PDE1A: variants seen among roughly 807,000 people sequenced by gnomAD.
The protein encoded by PDE1A is dual specificity calcium/calmodulin-dependent 3',5'-cyclic nucleotide phosphodiesterase 1A.
In PDE1A, 35 loss-of-function variants were observed where a neutral mutation model predicts 61.7. The ratio of observed to expected loss-of-function variants is 0.57; its 90% CI spans 0.43 to 0.75. The LOEUF (loss-of-function observed/expected upper bound fraction) is 0.75, where lower values mean the gene tolerates loss of function less well. PDE1A is among the 30% of genes least tolerant of loss of function. PDE1A has a pLI of 0.00. For missense variants in PDE1A, 597 were observed against 630.6 expected, an observed-to-expected ratio of 0.95 and a Z score of 0.57; for synonymous variants, 232 against 213.2, an observed-to-expected ratio of 1.09 and a Z score of -0.77.
At chr2:182,292,021 A>G (rs1480009248) in intron 1 of PDE1A, among the ~76,000 whole-genome samples, 2 of 152,122 alleles carry the variant, frequency 1.3e-5, no homozygotes, top group East Asian at 3.9e-4. Context: ...TCTTGGTTTT[A>G]AAAAAGAAGA....
At chr2:182,285,283 T>C (rs1291309802) in intron 1 of PDE1A, among the ~76,000 whole-genome samples, 1 of 152,160 alleles carries the variant, frequency 6.6e-6, no homozygotes, top group Non-Finnish European at 1.5e-5. Context: ...TTGTTTTCTC[T>C]GGCATCATCT....
chr2:182,157,017 T>A (rs35085933), intron 13 of PDE1A, among the ~76,000 whole-genome samples: 60,095 of 145,088 alleles, frequency 0.41, 12,831 homozygotes, highest in East Asian at 0.62. Flanking sequence ...TTATTTTATT[T>A]TATTTTTTTT....
At chr2:182,209,634 G>A (rs1216435177) in intron 7 of PDE1A, among the ~76,000 whole-genome samples, 1 of 151,732 alleles carries the variant, frequency 6.6e-6, no homozygotes, top group Non-Finnish European at 1.5e-5. Flanking sequence ...TGAGTATCCC[G>A]CTTGCTGTTC....
Position 182,264,878 on chromosome 2 carries a change from C to CATATATATATATATATATATAT in PDE1A, c.54-465_54-464insATATATATATATATATATATAT, listed in dbSNP as rs148358464. Among the ~76,000 whole-genome samples, 684 of 106,778 alleles carry CATATATATATATATATATATAT rather than the reference C, an allele frequency of 6.4e-3. 57 individuals are homozygous for CATATATATATATATATATATAT. Among genetic ancestry groups the CATATATATATATATATATATAT allele is most frequent in the East Asian group, 0.019 (67 of 3,516 alleles). 70.1% of individuals were successfully genotyped at this position (106,778 alleles called of 152,430 possible). A position where few individuals can be genotyped will look rare whatever the true frequency, so the allele number is the denominator to read the frequency against. Reference sequence around the variant, plus strand: ...ATAAAGAAAATGTGGTATATATATACATATATATATATATGTATATATATA... The same window carrying CATATATATATATATATATATAT: ...ATAAAGAAAATGTGGTATATATATACATATATATATATATATATATATATATATATATATATGTATATATATA... On this transcript the variant is annotated intron_variant, in intron 1 of 13. Coordinates refer to ENST00000351439, the Ensembl canonical transcript of PDE1A.
the PDE1A span, among the ~76,000 whole-genome samples, chr2:182,672,267 T>C: frequency 2.8e-4 from 43 of 152,352 alleles, no homozygotes; most frequent in Non-Finnish European, 5.1e-4. Flanking sequence ...AATTTGTTAA[T>C]GTTTTTATAT....
At chr2:182,327,183 T>G (rs144868494) in intron 1 of PDE1A, among the ~76,000 whole-genome samples, 1 of 152,152 alleles carries the variant, frequency 6.6e-6, no homozygotes, top group Non-Finnish European at 1.5e-5. Flanking sequence ...TGAGTAAATA[T>G]GTAATGTTAG....
chr2:182,559,179 GA>G, the PDE1A span, among the ~76,000 whole-genome samples: 1 of 152,050 alleles, frequency 6.6e-6, no homozygotes, highest in Non-Finnish European at 1.5e-5. Context: ...CTGAATAAGT[GA>G]AAAGGTAAGA....
At chr2:182,461,690 G>A (rs1206422372) in intron 2 of PDE1A, among the ~76,000 whole-genome samples, 13 of 152,082 alleles carry the variant, frequency 8.5e-5, no homozygotes, top group South Asian at 2.1e-4. Context: ...CAGGAAATAC[G>A]TAGGACCTAT....
rs1003355853 is a variant in PDE1A, at chr2:182,426,982, T to C, written c.-352A>G. The stretch of plus-strand genomic sequence containing the variant: ...CAGTGTCATCCAGGTAGGAACTCCC[T>C]AAGTTATTGCAGCCATGAGAGCTCT... On this transcript the variant is annotated 5_prime_UTR_variant, in exon 1 of 14. An upstream open reading frame in the 5' UTR loses its in-frame stop. Transcript: ENST00000351439. 3.0e-6 allele frequency: 3 copies of C among 1,016,428 alleles called. No homozygotes were observed. The African/African-American group carries it at 5.1e-5, about 17-fold the overall frequency. The allele number at this position is 1,016,428 out of a possible 1,614,324, so 63.0% of individuals were successfully genotyped here.
intron 2 of PDE1A, among the ~76,000 whole-genome samples, chr2:182,481,578 A>G (rs1687704333): frequency 6.6e-6 from 1 of 151,952 alleles, no homozygotes; most frequent in African/African-American, 2.4e-5. Context: ...GAAGGAATTT[A>G]TAGGTTGGAA....
At chr2:182,354,131 T>C (rs374687074) in intron 1 of PDE1A, among the ~76,000 whole-genome samples, 1 of 152,128 alleles carries the variant, frequency 6.6e-6, no homozygotes, top group Non-Finnish European at 1.5e-5. Context: ...CAACTGATAA[T>C]TGACACCCAG....
chr2:182,335,867 A>G (rs1462810286), intron 1 of PDE1A, among the ~76,000 whole-genome samples: 1 of 152,208 alleles, frequency 6.6e-6, no homozygotes, highest in Non-Finnish European at 1.5e-5. Flanking sequence ...CAATTTATCC[A>G]CCTGACAATG....
chr2:182,161,169 C>T (rs1241165305), intron 13 of PDE1A, among the ~76,000 whole-genome samples: 1 of 152,154 alleles, frequency 6.6e-6, no homozygotes, highest in Non-Finnish European at 1.5e-5. Flanking sequence ...GATGCATATA[C>T]ATACCCTAAA....
intron 2 of PDE1A, among the ~76,000 whole-genome samples, chr2:182,250,650 A>C (rs1452075662): frequency 3.3e-5 from 5 of 151,952 alleles, no homozygotes; most frequent in African/African-American, 1.2e-4. Flanking sequence ...TTTAACTGTG[A>C]GAAGATGACC....
intron 2 of PDE1A, among the ~76,000 whole-genome samples, chr2:182,247,782 C>T (rs145926012): frequency 2.4e-4 from 36 of 152,188 alleles, no homozygotes; most frequent in African/African-American, 7.2e-4. Context: ...AAGATTATGC[C>T]ACATGTAAAA....
intron 2 of PDE1A, among the ~76,000 whole-genome samples, chr2:182,464,741 T>C (rs1053040149): frequency 6.6e-6 from 1 of 152,002 alleles, no homozygotes; most frequent in African/African-American, 2.4e-5. Flanking sequence ...GGTCAGTGAA[T>C]AGAAAATCAC....
chr2:182,627,741 G>A, the PDE1A span, among the ~76,000 whole-genome samples: 1 of 151,656 alleles, frequency 6.6e-6, no homozygotes, highest in East Asian at 1.9e-4. Context: ...TCAGGAGTTC[G>A]AGACCAGGCT....
intron 2 of PDE1A, among the ~76,000 whole-genome samples, chr2:182,447,342 A>G (rs575191883): frequency 4.6e-5 from 7 of 152,024 alleles, no homozygotes; most frequent in African/African-American, 1.7e-4. Context: ...CTACTGAGAG[A>G]TTTTCCAGAC....
chr2:182,607,068 T>C, the PDE1A span, among the ~76,000 whole-genome samples: 1 of 151,836 alleles, frequency 6.6e-6, no homozygotes, highest in South Asian at 2.1e-4. Context: ...AAAGACAGGA[T>C]TTAGGGATGA....
Sources: gnomAD v4.1 joint callset for allele counts (sites outside exome capture counted in the v4.1 genomes callset) on GRCh38, gnomAD v4.1.1 for gene constraint, MANE v1.5 for transcripts, NCBI Gene and HGNC (gene_info 2026-07-23, HGNC 2026-07-21) for gene names.